ZNF335: variants seen among roughly 807,000 people sequenced by gnomAD.
The protein encoded by ZNF335 is NRC-interacting factor 1.
Under a neutral mutation model 145.6 loss-of-function variants are expected in ZNF335, and 84 were observed. The ratio of observed to expected loss-of-function variants is 0.58; its 90% CI spans 0.48 to 0.69. The LOEUF (loss-of-function observed/expected upper bound fraction) is 0.69, where lower values mean the gene tolerates loss of function less well. Among genes scored for constraint, ZNF335 ranks in the 30% least tolerant of loss-of-function variants. The pLI, the probability that ZNF335 is intolerant of heterozygous loss-of-function variation, is 0.00. For synonymous variants in ZNF335, 761 were observed against 717.0 expected, an observed-to-expected ratio of 1.06 and a Z score of -0.98; for missense variants, 1,865 against 1,809.7, an observed-to-expected ratio of 1.03 and a Z score of -0.55.
chr20:45,956,328 A>C (rs1447768098), intron 17 of ZNF335, among the ~76,000 whole-genome samples: 3 of 151,792 alleles, frequency 2.0e-5, no homozygotes, highest in African/African-American at 7.3e-5. Flanking sequence ...TCCTGGGTTC[A>C]AGCGATTCTC....
intron 7 of ZNF335, chr20:45,964,300 C>A: frequency 3.3e-6 from 1 of 301,988 alleles, no homozygotes. Flanking sequence ...CACCTACAGA[C>A]AAAGCCATTC....
intron 1 of ZNF335, 83 bp from the exon 2 acceptor site, chr20:45,971,543 C>A (rs968912550): frequency 2.0e-6 from 3 of 1,477,906 alleles, no homozygotes; most frequent in South Asian, 2.6e-5. Flanking sequence ...TGCACCCCTG[C>A]GCCCATTTTG....
At chr20:45,953,471 G>T (rs568316682) in intron 18 of ZNF335, among the ~76,000 whole-genome samples, 2 of 152,334 alleles carry the variant, frequency 1.3e-5, no homozygotes, top group African/African-American at 2.4e-5. Context: ...TCATGGGAAT[G>T]GCTTAGGTCC....
Position 45,959,118 on chromosome 20 carries a change from T to C in ZNF335, c.2253+83A>G, listed in dbSNP as rs548331042. On this transcript the variant is annotated intron_variant, in intron 15 of 27. Transcript: ENST00000322927. Reference sequence around the variant, plus strand: ...ACAGTCTCAAGAGGCAGGGATTATTTTGTTGCATCTCAATGTGCAAATGAT... The same window carrying C: ...ACAGTCTCAAGAGGCAGGGATTATTCTGTTGCATCTCAATGTGCAAATGAT... 54 of 1,118,674 alleles carry C rather than the reference T, an allele frequency of 4.8e-5. No homozygotes were observed. The Admixed American group carries it at 8.3e-4, about 17-fold the overall frequency. 69.3% of individuals were successfully genotyped at this position (1,118,674 alleles called of 1,614,324 possible).
intron 18 of ZNF335, 131 bp downstream of exon 18, chr20:45,953,556 ACT>A (rs1264905124): frequency 5.0e-6 from 6 of 1,201,508 alleles, no homozygotes; most frequent in Non-Finnish European, 5.8e-6. Context: ...AGAAGGGTAG[ACT>A]CCACCACTAA....
rs2084064374 is a variant in ZNF335 at position 45,971,392 on chromosome 20, C to G, written c.19G>C (p.Glu7Gln). The stretch of plus-strand genomic sequence containing the variant: ...CCAGGGGCCGCGTCGCTGCTGCTCT[C>G]CACCTCGTTCTCCTCCATCTGATCG... MEENEV[E>Q]SSSDAAPGPG... Residue 7 changes from glutamate (E) to glutamine (Q), a missense_variant, in exon 2 of 28, where the codon GAG becomes CAG. Physicochemically the swap from Glu to Gln is conservative, Grantham distance 29. Coordinates refer to ENST00000322927, the MANE Select transcript of ZNF335 (RefSeq NM_022095.4). The G allele has an allele frequency of 1.2e-6, 2 of 1,600,502 alleles. No homozygotes were observed. Among genetic ancestry groups the G allele is most frequent in the Non-Finnish European group, 1.7e-6 (2 of 1,179,762 alleles).
intron 11 of ZNF335, 36 bp downstream of exon 11, chr20:45,960,828 G>A (rs768888800): frequency 1.9e-6 from 3 of 1,613,924 alleles, no homozygotes; most frequent in South Asian, 1.1e-5. Flanking sequence ...CAACCCCCGG[G>A]CAGGTTCCCT....
chr20:45,965,357 C>T (rs1012923380), intron 7 of ZNF335, among the ~76,000 whole-genome samples: 2 of 152,108 alleles, frequency 1.3e-5, no homozygotes, highest in African/African-American at 2.4e-5. Flanking sequence ...ACTTATCTTA[C>T]GCATTCAGTG....
In ZNF335 at chr20:45,960,633, G is replaced by A; in HGVS notation, c.1765C>T (p.Pro589Ser). 1 of 1,614,154 alleles carries A rather than the reference G, an allele frequency of 6.2e-7. No homozygotes were observed. The highest frequency in any genetic ancestry group is 1.1e-5 in the South Asian group (1 of 91,082). The change falls in exon 12 of 28, where the codon CCC (proline) becomes TCC (serine). Residue 589 changes from proline to serine, a missense_variant. By Grantham distance (74) the Pro-to-Ser change is moderately conservative. Coordinates refer to ENST00000322927, the MANE Select transcript of ZNF335 (RefSeq NM_022095.4). ...CCACCCACCTTGTCACACATGTGGG[G>A]CTTCTCAGTGCTGTGCGTCTTCATG... ...QHMKTHSTEK[P>S]HMCDKCGKSF...
At chr20:45,949,745 C>A in intron 24 of ZNF335, 55 bp downstream of exon 24, 2 of 1,601,760 alleles carry the variant, frequency 1.2e-6, no homozygotes, top group Admixed American at 1.7e-5. Flanking sequence ...CAAGGTAGGT[C>A]TTTGGGAGGG....
chr20:45,953,709 T>C lies in ZNF335; in HGVS notation c.2682A>G (p.Ser894=), dbSNP rs779731462. 3.0e-5 allele frequency: 48 copies of C among 1,613,960 alleles called. No homozygotes were observed. Among genetic ancestry groups the C allele is most frequent in the Non-Finnish European group, 3.8e-5 (45 of 1,180,010 alleles). Residue 894 remains serine, a synonymous_variant, in exon 18 of 28, where the codon TCA becomes TCG. Coordinates refer to ENST00000322927, the MANE Select transcript of ZNF335 (RefSeq NM_022095.4). ...CTCACCTGTAAGGTGTGCCAGGAGCTGATGTTCCCTCCTCCATAGGGGGTG... is the reference window on the plus strand; with the variant it reads ...CTCACCTGTAAGGTGTGCCAGGAGCCGATGTTCCCTCCTCCATAGGGGGTG... ...ITAPPMEEGT[S]APGTPYSEEP... is the part of the protein sequence containing the mutation.
chr20:45,966,100 C>T (rs899534628), intron 6 of ZNF335, among the ~76,000 whole-genome samples: 8 of 152,172 alleles, frequency 5.3e-5, no homozygotes, highest in East Asian at 1.9e-4. Context: ...ACAAACTCTA[C>T]GGCTGCCCTA....
At chr20:45,960,969 A>G in intron 10 of ZNF335, 87 bp from the exon 11 acceptor site, 1 of 1,561,108 alleles carries the variant, frequency 6.4e-7, no homozygotes. Flanking sequence ...AGCCTCAGCT[A>G]TGAGCCTACT....
chr20:45,950,054 C>T lies in ZNF335; in HGVS notation c.3503G>A (p.Ser1168Asn), dbSNP rs751864070. 6.2e-7 allele frequency: 1 copy of T among 1,613,890 alleles called. No homozygotes were observed. Among genetic ancestry groups the T allele is most frequent in the South Asian group, 1.1e-5 (1 of 91,038 alleles). ...LATLHTALQS[S>N]HGVLGPERLQ... The stretch of plus-strand genomic sequence containing the variant: ...CCGCTCTGGGCCCAGGACCCCGTGA[C>T]TGGACTGGAGTGCAGCTGGGCAGAG... The change falls in exon 23 of 28, where the codon AGT (serine) becomes AAT (asparagine). Residue 1168 changes from serine to asparagine, a missense_variant. Ser to Asn is a conservative substitution (Grantham distance 46). Transcript: ENST00000322927.
intron 17 of ZNF335, among the ~76,000 whole-genome samples, chr20:45,957,296 G>C (rs986044100): frequency 1.9e-4 from 29 of 152,316 alleles, no homozygotes; most frequent in African/African-American, 6.7e-4. Flanking sequence ...GTGGGAGGAA[G>C]ACAAAACAAG....
intron 17 of ZNF335, 47 bp downstream of exon 17, chr20:45,957,539 G>A (rs1433158935): frequency 6.4e-7 from 1 of 1,570,714 alleles, no homozygotes. Context: ...TGCAGGGCTG[G>A]GTACCTGCGG....
Position 45,971,374 on chromosome 20 carries a change from C to T in ZNF335, c.37G>A (p.Ala13Thr), listed in dbSNP as rs1429396791. ...ENEVESSSDA[A>T]PGPGRPEEPS... ...TCCTCGGGCCGGCCAGGCCCAGGGG[C>T]CGCGTCGCTGCTGCTCTCCACCTCG... Residue 13 changes from alanine (A) to threonine (T), a missense_variant, in exon 2 of 28, where the codon GCC becomes ACC. Transcript: ENST00000322927. 6.2e-7 allele frequency: 1 copy of T among 1,600,602 alleles called. No homozygotes were observed.
Position 45,950,612 on chromosome 20 carries a change from G to GT in ZNF335, c.3190-18dup, listed in dbSNP as rs1568804975. ...CATGTGCGCCTGCAGAGAGGGCAGA[G>GT]TTGGGGGCATTGGCTGGGTCAGGAC... On this transcript the variant is annotated splice_polypyrimidine_tract_variant and intron_variant, in intron 20 of 27. Coordinates refer to ENST00000322927, the MANE Select transcript of ZNF335 (RefSeq NM_022095.4). 1.2e-6 allele frequency: 2 copies of GT among 1,613,434 alleles called. No individual in the cohort carries two copies. The highest frequency in any genetic ancestry group is 2.7e-5 in the African/African-American group (2 of 74,918).
chr20:45,959,474 C>G (rs2145385236), intron 14 of ZNF335, 41 bp from the exon 15 acceptor site: 1 of 1,341,882 alleles, frequency 7.5e-7, no homozygotes, highest in Middle Eastern at 2.0e-4. Context: ...CTGCCCGTCC[C>G]TAGCCTACCC....
Sources: gnomAD v4.1 joint callset for allele counts (sites outside exome capture counted in the v4.1 genomes callset) on GRCh38, gnomAD v4.1.1 for gene constraint, MANE v1.5 for transcripts, NCBI Gene and HGNC (gene_info 2026-07-23, HGNC 2026-07-21) for gene names.